The following OCA2 variants were observed in gnomAD, a reference collection of about 807,000 sequenced individuals.
The protein encoded by OCA2 is P protein.
OCA2 carries 77 observed loss-of-function variants against 100.2 expected under a neutral mutation model. That is an observed-to-expected ratio of 0.77 (90% CI 0.64 to 0.93). OCA2 has a LOEUF of 0.93. OCA2 is among the 40% of genes least tolerant of loss of function. The pLI is 0.00. For synonymous variants in OCA2, 432 were observed against 439.2 expected (o/e 0.98, Z 0.21); for missense variants, 1,062 against 1,089.1 (o/e 0.98, Z 0.35).
chr15:27,939,381 C>A (rs1448490), intron 18 of OCA2, among the ~76,000 whole-genome samples: 24,310 of 152,090 alleles, frequency 0.16, 3,461 homozygotes, highest in East Asian at 0.79. Flanking sequence ...ACCCTCGGGG[C>A]CTATTAAATG....
chr15:27,992,772 C>G (rs1448203467), intron 9 of OCA2, among the ~76,000 whole-genome samples: 1 of 152,210 alleles, frequency 6.6e-6, no homozygotes, highest in East Asian at 1.9e-4. Flanking sequence ...ATGTTCCTTT[C>G]TTCTGGCTTA....
chr15:27,989,599 A>G lies in OCA2; in HGVS notation c.1182+2T>C. 1 of 1,613,756 alleles carries G rather than the reference A, an allele frequency of 6.2e-7. No individual in the cohort carries two copies. Among genetic ancestry groups the G allele is most frequent in the Non-Finnish European group, 8.5e-7 (1 of 1,179,668 alleles). ...CAGTCCCACGGGGAGAGCTGTAATT[A>G]CCATGCCAAACAGCAGGGCCAGCGT... On this transcript the variant is annotated splice_donor_variant, in intron 11 of 23. Transcript: ENST00000354638. LOFTEE classifies it high-confidence loss of function.
intron 3 of OCA2, among the ~76,000 whole-genome samples, chr15:28,030,777 G>A (rs768867085): frequency 6.6e-5 from 10 of 152,186 alleles, no homozygotes; most frequent in Non-Finnish European, 1.2e-4. Context: ...AATCCATGAT[G>A]TGCAAATAAG....
intron 2 of OCA2, among the ~76,000 whole-genome samples, chr15:28,036,355 T>C (rs1390921869): frequency 5.3e-5 from 8 of 152,184 alleles, no homozygotes; most frequent in Non-Finnish European, 1.2e-4. Flanking sequence ...GTCCTTTTGC[T>C]GGAAGAGAGC....
At chr15:27,813,600 C>A (rs935243470) in intron 23 of OCA2, among the ~76,000 whole-genome samples, 8 of 152,158 alleles carry the variant, frequency 5.3e-5, no homozygotes, top group Non-Finnish European at 8.8e-5. Flanking sequence ...TAAAAGGGAC[C>A]TTTCATCTCC....
At chr15:27,835,724 C>G (rs1020535910) in intron 23 of OCA2, among the ~76,000 whole-genome samples, 2 of 152,202 alleles carry the variant, frequency 1.3e-5, no homozygotes, top group Non-Finnish European at 2.9e-5. Flanking sequence ...ATGGCGTTGG[C>G]CTCTCATCAT....
At chr15:27,842,334 A>G (rs1163563187) in intron 23 of OCA2, among the ~76,000 whole-genome samples, 1 of 152,246 alleles carries the variant, frequency 6.6e-6, no homozygotes, top group East Asian at 1.9e-4. Flanking sequence ...GCAAAATTAT[A>G]GGTTACTTTT....
At chr15:27,958,441 C>T (rs1015073658) in intron 15 of OCA2, among the ~76,000 whole-genome samples, 2 of 152,188 alleles carry the variant, frequency 1.3e-5, no homozygotes, top group East Asian at 3.9e-4. Context: ...AGGTGCTCAG[C>T]GCTCTCCAAC....
chr15:27,921,284 C>T (rs536225722), intron 19 of OCA2, among the ~76,000 whole-genome samples: 4 of 151,404 alleles, frequency 2.6e-5, no homozygotes, highest in Non-Finnish European at 5.9e-5. Flanking sequence ...AATGGAGACC[C>T]GAAGTCAGAA....
At chr15:27,913,844 A>C (rs968638536) in intron 19 of OCA2, among the ~76,000 whole-genome samples, 2 of 32,486 alleles carry the variant, frequency 6.2e-5, no homozygotes, top group Admixed American at 8.3e-4. Flanking sequence ...GAAAGGAAAG[A>C]AAGAAAGAAA....
At chr15:28,021,444 C>T (rs1335639103) in intron 6 of OCA2, among the ~76,000 whole-genome samples, 5 of 152,222 alleles carry the variant, frequency 3.3e-5, no homozygotes, top group Non-Finnish European at 7.3e-5. Flanking sequence ...TAGGAAGAGG[C>T]GGCTTCCCTG....
chr15:27,981,995 T>A (rs1454127025), intron 14 of OCA2, among the ~76,000 whole-genome samples: 1 of 152,238 alleles, frequency 6.6e-6, no homozygotes, highest in East Asian at 1.9e-4. Flanking sequence ...CAGGGATCAC[T>A]GTCCCTTTGT....
At chr15:27,807,571 G>A (rs1405891727) in intron 23 of OCA2, among the ~76,000 whole-genome samples, 6 of 152,136 alleles carry the variant, frequency 3.9e-5, no homozygotes, top group Admixed American at 3.9e-4. Context: ...TGGGCAGATG[G>A]AAGTGTCACA....
intron 4 of OCA2, among the ~76,000 whole-genome samples, chr15:28,026,232 G>A (rs1226414589): frequency 6.6e-6 from 1 of 152,208 alleles, no homozygotes; most frequent in African/African-American, 2.4e-5. Flanking sequence ...AATATTCCAT[G>A]AATCATAGAA....
the OCA2 span, among the ~76,000 whole-genome samples, chr15:27,748,182 C>CCAT: frequency 1.3e-5 from 2 of 152,192 alleles, no homozygotes; most frequent in Non-Finnish European, 2.9e-5. Context: ...GTTCCTCTTC[C>CCAT]CATCAGTGAG....
chr15:27,751,297 T>C (rs1370847488), downstream of OCA2, among the ~76,000 whole-genome samples: 3 of 152,184 alleles, frequency 2.0e-5, no homozygotes, highest in Admixed American at 6.5e-5. Context: ...CCAGAATGAA[T>C]GCTGAGAGAG....
intron 8 of OCA2, among the ~76,000 whole-genome samples, 154 bp from the exon 9 acceptor site, chr15:28,015,083 C>T (rs1375762248): frequency 2.6e-5 from 4 of 152,286 alleles, no homozygotes; most frequent in East Asian, 1.9e-4. Context: ...AGGCCAGCGG[C>T]GTGAGACATA....
intron 9 of OCA2, among the ~76,000 whole-genome samples, chr15:27,992,319 T>C (rs2141030439): frequency 6.6e-6 from 1 of 152,338 alleles, no homozygotes; most frequent in Non-Finnish European, 1.5e-5. Flanking sequence ...CAGGCTGGTC[T>C]CCAACTCCTG....
chr15:27,745,660 A>G, the OCA2 span, among the ~76,000 whole-genome samples: 1 of 152,134 alleles, frequency 6.6e-6, no homozygotes, highest in Non-Finnish European at 1.5e-5. Flanking sequence ...CTGTGTAGAG[A>G]ATCCCCCTTC....
Sources: gnomAD v4.1 joint callset for allele counts (sites outside exome capture counted in the v4.1 genomes callset) on GRCh38, gnomAD v4.1.1 for gene constraint, MANE v1.5 for transcripts, NCBI Gene and HGNC (gene_info 2026-07-23, HGNC 2026-07-21) for gene names.